The following RALYL variants were observed in gnomAD, a reference collection of about 807,000 sequenced individuals.
RALYL encodes RNA-binding Raly-like protein.
Under a neutral mutation model 35.1 loss-of-function variants are expected in RALYL, and 29 were observed. The observed-to-expected ratio is 0.83, with a 90% CI of 0.61 to 1.13. RALYL has a LOEUF of 1.13. Among genes scored for constraint, RALYL ranks in the 50% most tolerant of loss-of-function variants. The pLI is 0.00. For synonymous variants in RALYL, 120 were observed against 127.6 expected (o/e 0.94, Z 0.40); for missense variants, 359 against 360.4 (o/e 1.00, Z 0.03).
chr8:84,236,406 G>T (rs1826564989), intron 1 of RALYL, among the ~76,000 whole-genome samples: 1 of 152,114 alleles, frequency 6.6e-6, no homozygotes, highest in Non-Finnish European at 1.5e-5. Context: ...CACAGCCTTG[G>T]CTAAATGACC....
chr8:84,259,292 A>G (rs1419234264), intron 1 of RALYL, among the ~76,000 whole-genome samples: 1 of 152,194 alleles, frequency 6.6e-6, no homozygotes, highest in African/African-American at 2.4e-5. Flanking sequence ...AATGTTGCAT[A>G]GCCTGACCTC....
At chr8:84,389,340 C>G (rs1860044135) in intron 1 of RALYL, among the ~76,000 whole-genome samples, 1 of 151,892 alleles carries the variant, frequency 6.6e-6, no homozygotes, top group South Asian at 2.1e-4. Flanking sequence ...TTTTTTGGTT[C>G]CACATGAACT....
At chr8:84,652,837 A>C (rs1829128332) in intron 2 of RALYL, among the ~76,000 whole-genome samples, 1 of 152,106 alleles carries the variant, frequency 6.6e-6, no homozygotes, top group Admixed American at 6.6e-5. Flanking sequence ...CTCTTCTGAA[A>C]TGTCTCATTT....
intron 2 of RALYL, among the ~76,000 whole-genome samples, chr8:84,550,189 T>C (rs2060620593): frequency 6.6e-6 from 1 of 152,108 alleles, no homozygotes; most frequent in African/African-American, 2.4e-5. Flanking sequence ...AATTTTGTGT[T>C]AATCTGGGTC....
intron 2 of RALYL, among the ~76,000 whole-genome samples, chr8:84,548,751 T>C (rs2060522461): frequency 6.6e-6 from 1 of 152,198 alleles, no homozygotes; most frequent in African/African-American, 2.4e-5. Flanking sequence ...TTTACTGCTC[T>C]TTCTTCCTCA....
At chr8:84,693,607 C>T (rs73298115) in intron 2 of RALYL, among the ~76,000 whole-genome samples, 3,263 of 151,892 alleles carry the variant, frequency 0.021, 130 homozygotes, top group African/African-American at 0.074. Flanking sequence ...TATTTTTAGA[C>T]GCATTTTATG....
At chr8:84,283,827 A>G (rs953603720) in intron 1 of RALYL, among the ~76,000 whole-genome samples, 2 of 152,106 alleles carry the variant, frequency 1.3e-5, no homozygotes, top group African/African-American at 4.8e-5. Flanking sequence ...TGGGAGGTGG[A>G]GACTTGGAAT....
Position 84,265,761 on chromosome 8 carries a change from G to C in RALYL, c.-24+81337G>C, listed in dbSNP as rs111632385. On this transcript the variant is annotated intron_variant, in intron 1 of 8. Transcript: ENST00000521268. Reference sequence around the variant, plus strand: ...GATGGTTCAGGCAGCTGATAACTCTGTGATTGGTTTGATAGTACCATCCTT... The same window carrying C: ...GATGGTTCAGGCAGCTGATAACTCTCTGATTGGTTTGATAGTACCATCCTT... 4.1e-3 allele frequency among the ~76,000 whole-genome samples: 619 copies of C among 152,266 alleles called. 1 individual carries two copies. Among genetic ancestry groups the C allele is most frequent in the Non-Finnish European group, 6.3e-3 (431 of 68,022 alleles).
chr8:84,733,875 G>A (rs113960411), intron 2 of RALYL, among the ~76,000 whole-genome samples: 1 of 152,168 alleles, frequency 6.6e-6, no homozygotes, highest in South Asian at 2.1e-4. Flanking sequence ...TGATTTGCAT[G>A]TGCAGAAAAT....
At chr8:84,299,072 T>C (rs1840297300) in intron 1 of RALYL, among the ~76,000 whole-genome samples, 1 of 152,040 alleles carries the variant, frequency 6.6e-6, no homozygotes, top group South Asian at 2.1e-4. Context: ...TTGTTCTGGC[T>C]AGGACTTGCA....
intron 2 of RALYL, among the ~76,000 whole-genome samples, chr8:84,728,810 C>T (rs1481875973): frequency 6.6e-6 from 1 of 152,094 alleles, no homozygotes; most frequent in African/African-American, 2.4e-5. Flanking sequence ...TTTCTGAGGG[C>T]TCTGTTCTGT....
At chr8:84,488,966 A>G (rs1221970150) in intron 1 of RALYL, among the ~76,000 whole-genome samples, 1 of 152,068 alleles carries the variant, frequency 6.6e-6, no homozygotes, top group Non-Finnish European at 1.5e-5. Context: ...AATTAAGACA[A>G]ATTATAATAA....
chr8:84,294,863 C>A (rs538012846), intron 1 of RALYL, among the ~76,000 whole-genome samples: 1 of 152,080 alleles, frequency 6.6e-6, no homozygotes, highest in East Asian at 1.9e-4. Context: ...TGGGAGGCAT[C>A]TTTTATGTTT....
intron 1 of RALYL, among the ~76,000 whole-genome samples, chr8:84,201,861 G>A (rs552196297): frequency 2.6e-5 from 4 of 152,058 alleles, no homozygotes; most frequent in East Asian, 3.9e-4. Context: ...ACCACTGTTC[G>A]CAGCTAGCAT....
intron 4 of RALYL, among the ~76,000 whole-genome samples, chr8:84,821,203 C>A (rs1168181726): frequency 6.6e-6 from 1 of 152,126 alleles, no homozygotes; most frequent in African/African-American, 2.4e-5. Flanking sequence ...TCAGACAGTT[C>A]AAAGTATTGA....
chr8:84,744,896 T>A (rs1808248830), intron 2 of RALYL, among the ~76,000 whole-genome samples: 1 of 151,998 alleles, frequency 6.6e-6, no homozygotes, highest in East Asian at 1.9e-4. Context: ...TTTGAAACCA[T>A]GAATTCTGTT....
chr8:84,797,731 C>T (rs2133930023), intron 3 of RALYL, among the ~76,000 whole-genome samples: 1 of 152,306 alleles, frequency 6.6e-6, no homozygotes, highest in South Asian at 2.1e-4. Flanking sequence ...TAGATTTGGA[C>T]ACTAGCTTTG....
chr8:84,435,813 G>C (rs766050577), intron 1 of RALYL, among the ~76,000 whole-genome samples: 4 of 152,240 alleles, frequency 2.6e-5, no homozygotes, highest in Non-Finnish European at 4.4e-5. Context: ...GCATTGAACT[G>C]TGTTTCAGGG....
chr8:84,450,613 T>C (rs1018511170), intron 1 of RALYL, among the ~76,000 whole-genome samples: 4 of 152,004 alleles, frequency 2.6e-5, no homozygotes, highest in African/African-American at 9.7e-5. Flanking sequence ...ATAATACCTT[T>C]TTAATTCAAT....
Sources: allele counts gnomAD v4.1 joint callset (sites outside exome capture counted in the v4.1 genomes callset), GRCh38; gene constraint gnomAD v4.1.1; transcripts MANE v1.5; gene names NCBI Gene and HGNC (gene_info 2026-07-23, HGNC 2026-07-21).